Variants in RIC3 observed in about 807,000 individuals in gnomAD.
RIC3 encodes the protein RIC3 acetylcholine receptor chaperone.
A neutral mutation model predicts 27.3 loss-of-function variants in RIC3; 28 were observed. That is an observed-to-expected ratio of 1.02 (90% CI 0.76 to 1.41). RIC3 has a LOEUF of 1.41. Among genes scored for constraint, RIC3 ranks in the 40% most tolerant of loss-of-function variants. The pLI is 0.00. For synonymous variants in RIC3, 184 were observed against 160.4 expected, an observed-to-expected ratio of 1.15 and a Z score of -1.11; for missense variants, 501 against 444.7, an observed-to-expected ratio of 1.13 and a Z score of -1.14.
chr11:8,150,963 CT>C (rs764628534), intron 1 of RIC3, among the ~76,000 whole-genome samples: 1 of 152,164 alleles, frequency 6.6e-6, no homozygotes, highest in Non-Finnish European at 1.5e-5. Flanking sequence ...AATTGGACCC[CT>C]ATCTCATACC....
At chr11:8,118,246 C>T (rs1290126175) in intron 5 of RIC3, among the ~76,000 whole-genome samples, 1 of 145,864 alleles carries the variant, frequency 6.9e-6, no homozygotes. Context: ...AAAAAAAAGA[C>T]CATCATTAAA....
chr11:8,119,094 C>T (rs1240710487), intron 5 of RIC3, among the ~76,000 whole-genome samples: 5 of 152,148 alleles, frequency 3.3e-5, no homozygotes. Flanking sequence ...TAAATGGGAA[C>T]AATAATCAAA....
intron 2 of RIC3, 109 bp downstream of exon 2, chr11:8,139,858 T>C (rs956468480): frequency 9.3e-6 from 9 of 965,074 alleles, no homozygotes; most frequent in Non-Finnish European, 1.4e-5. Flanking sequence ...AAAGAGATGA[T>C]GGATTTGAAA....
At chr11:8,136,594 G>A (rs1948450916) in intron 4 of RIC3, among the ~76,000 whole-genome samples, 1 of 152,094 alleles carries the variant, frequency 6.6e-6, no homozygotes, top group South Asian at 2.1e-4. Context: ...CTTCCCTTTG[G>A]GACATTCTAA....
chr11:8,100,682 T>C, the RIC3 span: 93 of 1,498,980 alleles, frequency 6.2e-5, 1 homozygote, highest in Middle Eastern at 5.1e-4. Context: ...CTCCAGCTGA[T>C]GTGTGTATGT....
intron 1 of RIC3, among the ~76,000 whole-genome samples, chr11:8,166,623 A>T (rs966171761): frequency 6.6e-6 from 1 of 152,190 alleles, no homozygotes; most frequent in Non-Finnish European, 1.5e-5. Context: ...TAATCCCAGC[A>T]CTTTGGAAGG....
At chr11:8,142,000 C>T (rs1949129695) in intron 1 of RIC3, among the ~76,000 whole-genome samples, 1 of 150,648 alleles carries the variant, frequency 6.6e-6, no homozygotes. Context: ...CACAACATAC[C>T]AGAATCTCTG....
intron 1 of RIC3, among the ~76,000 whole-genome samples, chr11:8,147,847 C>T (rs1014667169): frequency 1.3e-5 from 2 of 151,760 alleles, no homozygotes; most frequent in Non-Finnish European, 2.9e-5. Flanking sequence ...CCTGCCTCAG[C>T]CTCCCAAGTA....
In RIC3 at chr11:8,161,823, C is replaced by T. The variant is rs191552421; in HGVS notation, c.124+7043G>A. Among the ~76,000 whole-genome samples the T allele has an allele frequency of 5.2e-3, 785 of 150,698 alleles. 10 individuals are homozygous for T. Among genetic ancestry groups the T allele is most frequent in the Admixed American group, 0.026 (369 of 14,426 alleles). ...GAGTTCCAGGCCAGCTCTACACACA[C>T]ACGTATATAAATGAGACACTCCCAC... On this transcript the variant is annotated intron_variant, in intron 1 of 5. Coordinates refer to ENST00000309737, the MANE Select transcript of RIC3 (RefSeq NM_001206671.4).
At chr11:8,098,855 G>A in the RIC3 span, 1 of 1,613,900 alleles carries the variant, frequency 6.2e-7, no homozygotes, top group Non-Finnish European at 8.5e-7. Context: ...CTTACGTCAG[G>A]AGCTGGCAGC....
At chr11:8,099,703 G>C in the RIC3 span, among the ~76,000 whole-genome samples, 1 of 152,210 alleles carries the variant, frequency 6.6e-6, no homozygotes, top group Non-Finnish European at 1.5e-5. Flanking sequence ...AGAAGAAAAA[G>C]TAGGGGAGGG....
chr11:8,101,828 GTGAAGGGATGAGAA>G, downstream of RIC3: 1 of 733,516 alleles, frequency 1.4e-6, no homozygotes, highest in Non-Finnish European at 2.1e-6. Flanking sequence ...GTGGGTGGGT[GTGAAGGGATGAGAA>G]TAATTCTTTC....
intron 4 of RIC3, among the ~76,000 whole-genome samples, chr11:8,128,840 C>T (rs1030607875): frequency 1.3e-5 from 2 of 150,170 alleles, no homozygotes; most frequent in Non-Finnish European, 1.5e-5. Context: ...CTGCAAGCTC[C>T]GCCTCCCGGG....
intron 1 of RIC3, among the ~76,000 whole-genome samples, chr11:8,145,048 G>A (rs1269605581): frequency 2.2e-5 from 2 of 91,282 alleles, no homozygotes; most frequent in Non-Finnish European, 4.1e-5. Context: ...GGGGAGGGGG[G>A]AGGGATAGCA....
chr11:8,105,789 G>T, downstream of RIC3: 1 of 151,968 alleles, frequency 6.6e-6, no homozygotes, highest in Middle Eastern at 3.2e-3. Context: ...CCTCCTCTGT[G>T]CTCCTGTCCC....
At chr11:8,155,280 TG>T (rs1255253526) in intron 1 of RIC3, among the ~76,000 whole-genome samples, 14 of 150,796 alleles carry the variant, frequency 9.3e-5, no homozygotes, top group African/African-American at 2.9e-4. Flanking sequence ...AAAAACTTAA[TG>T]TCAATGGATT....
chr11:8,167,461 G>T (rs1951798573), intron 1 of RIC3, among the ~76,000 whole-genome samples: 1 of 151,990 alleles, frequency 6.6e-6, no homozygotes, highest in Admixed American at 6.6e-5. Flanking sequence ...AGCACTTCAG[G>T]AATAAAGAGA....
rs888389270 is a variant in RIC3 at position 8,106,539 on chromosome 11, G to C, written c.*4159C>G. ...TCTGCTGTGCCGCCTGAAGGGGCTG[G>C]TGGTTCCTCAGTATCCCCTGTGGGC... On this transcript the variant is annotated 3_prime_UTR_variant, in exon 6 of 6. Coordinates refer to ENST00000309737, the MANE Select transcript of RIC3 (RefSeq NM_001206671.4). 1 of 152,310 alleles carries C rather than the reference G, an allele frequency of 6.6e-6. No individual in the cohort carries two copies. The highest frequency in any genetic ancestry group is 2.4e-5 in the African/African-American group (1 of 41,454). 9.4% of individuals were successfully genotyped at this position (152,310 alleles called of 1,614,324 possible). A position where few individuals can be genotyped will look rare whatever the true frequency, so the allele number is the denominator to read the frequency against.
intron 1 of RIC3, among the ~76,000 whole-genome samples, chr11:8,158,549 A>G (rs1302331760): frequency 6.6e-6 from 1 of 151,658 alleles, no homozygotes; most frequent in Non-Finnish European, 1.5e-5. Context: ...GTTCTTGACC[A>G]AGTGTGCTGA....
Sources: allele counts gnomAD v4.1 joint callset (sites outside exome capture counted in the v4.1 genomes callset), GRCh38; gene constraint gnomAD v4.1.1; transcripts MANE v1.5; gene names NCBI Gene and HGNC (gene_info 2026-07-23, HGNC 2026-07-21).